The following IQCE variants were observed in gnomAD, a reference collection of about 807,000 sequenced individuals.
IQCE encodes IQ domain-containing protein E.
In IQCE, 115 loss-of-function variants were observed where a neutral mutation model predicts 96.0. The ratio of observed to expected loss-of-function variants is 1.20; its 90% CI spans 1.03 to 1.40. The LOEUF (loss-of-function observed/expected upper bound fraction) is 1.40. IQCE is among the 40% of genes most tolerant of loss of function. The probability of loss-of-function intolerance (pLI) is 0.00; values close to 1 mark genes in which losing one functional copy is unlikely to be tolerated. For synonymous variants in IQCE, 412 were observed against 371.2 expected (o/e 1.11, Z -1.26); for missense variants, 1,041 against 909.1 (o/e 1.15, Z -1.87).
intron 16 of IQCE, chr7:2,598,094 A>T (rs1784181260): frequency 5.4e-6 from 1 of 186,072 alleles, no homozygotes; most frequent in African/African-American, 2.3e-5. Flanking sequence ...AAACTAGAAA[A>T]CAGAAAAGGA....
At chr7:2,587,800 G>T in intron 12 of IQCE, 22 bp from the exon 13 acceptor site, 1 of 1,613,536 alleles carries the variant, frequency 6.2e-7, no homozygotes, top group South Asian at 1.1e-5. Context: ...ATGCCGTTTT[G>T]AAACCGCATT....
In IQCE at chr7:2,587,811, G is replaced by T. The variant is rs1435415693; in HGVS notation, c.989-11G>T. On this transcript the variant is annotated splice_polypyrimidine_tract_variant and intron_variant, in intron 12 of 21. Transcript: ENST00000402050. ...CAGGATGCCGTTTTGAAACCGCATT[G>T]CTTCCATCAGGTTATGTGGAGTGGA... 2 of 1,613,956 alleles carry T rather than the reference G, an allele frequency of 1.2e-6. No individual in the cohort carries two copies. The highest frequency in any genetic ancestry group is 3.3e-5 in the Admixed American group (2 of 60,020).
At chr7:2,591,508 G>A (rs1327197327) in intron 14 of IQCE, among the ~76,000 whole-genome samples, 2 of 152,046 alleles carry the variant, frequency 1.3e-5, no homozygotes, top group Non-Finnish European at 2.9e-5. Flanking sequence ...AGAGTGGCCT[G>A]TGAGGCCAGC....
intron 6 of IQCE, among the ~76,000 whole-genome samples, chr7:2,578,018 G>A (rs1385410764): frequency 1.4e-5 from 2 of 145,148 alleles, no homozygotes; most frequent in Non-Finnish European, 3.0e-5. Flanking sequence ...TTGGCTGTGC[G>A]CGCGGGGACG....
chr7:2,564,393 G>T (rs1162085626), intron 1 of IQCE, among the ~76,000 whole-genome samples: 2 of 150,884 alleles, frequency 1.3e-5, no homozygotes, highest in Non-Finnish European at 3.0e-5. Context: ...TCAGGAGTTT[G>T]AGACCAGCCT....
chr7:2,563,411 G>GTGTGTGTGTGTGTGTGTGTGTA (rs773616723), intron 1 of IQCE, among the ~76,000 whole-genome samples: 23 of 148,594 alleles, frequency 1.5e-4, no homozygotes, highest in African/African-American at 5.5e-4. Context: ...GTGTGTGTGT[G>GTGTGTGTGTGTGTGTGTGTGTA]TACAGGGTTT....
chr7:2,580,825 C>T (rs564319141), intron 8 of IQCE, among the ~76,000 whole-genome samples: 35 of 152,342 alleles, frequency 2.3e-4, no homozygotes, highest in African/African-American at 8.4e-4. Context: ...CGGCCATGCA[C>T]AGAACCAGGT....
At chr7:2,584,075 G>C (rs1423837108) in intron 10 of IQCE, among the ~76,000 whole-genome samples, 161 bp from the exon 11 acceptor site, 1 of 152,074 alleles carries the variant, frequency 6.6e-6, no homozygotes, top group African/African-American at 2.4e-5. Flanking sequence ...TGTGCTCCTG[G>C]AGCCTGCTCC....
At chr7:2,600,071 G>A (rs1459444413) in intron 17 of IQCE, among the ~76,000 whole-genome samples, 1 of 152,158 alleles carries the variant, frequency 6.6e-6, no homozygotes, top group Non-Finnish European at 1.5e-5. Flanking sequence ...TGGGATTATA[G>A]GCGTGAGCCA....
chr7:2,582,217 G>T, intron 8 of IQCE: 1 of 388,864 alleles, frequency 2.6e-6, no homozygotes, highest in South Asian at 2.2e-5. Context: ...CTTCAGGTCT[G>T]TGGTTTATCC....
chr7:2,572,788 C>G (rs1265586240), intron 5 of IQCE: 2 of 453,602 alleles, frequency 4.4e-6, no homozygotes, highest in Admixed American at 2.4e-5. Flanking sequence ...AAGTGATCCT[C>G]TCACCTTGGC....
At chr7:2,581,081 G>T (rs1314554404) in intron 8 of IQCE, among the ~76,000 whole-genome samples, 3 of 152,122 alleles carry the variant, frequency 2.0e-5, no homozygotes, top group Non-Finnish European at 4.4e-5. Context: ...CTGACCTTGT[G>T]ATCTGCCCAC....
intron 21 of IQCE, chr7:2,607,522 CTGTT>C (rs1395174253): frequency 5.0e-5 from 65 of 1,292,246 alleles, no homozygotes; most frequent in African/African-American, 3.7e-4. Flanking sequence ...AGCATTTCTC[CTGTT>C]TGTTTGTTGA....
At chr7:2,572,540 A>C (rs964957747) in intron 5 of IQCE, among the ~76,000 whole-genome samples, 3 of 152,244 alleles carry the variant, frequency 2.0e-5, no homozygotes, top group Non-Finnish European at 4.4e-5. Context: ...TCGTGGGTGC[A>C]GGGATATCTC....
rs1401299770 is a variant in IQCE at position 2,578,281 on chromosome 7, A to G, written c.505A>G (p.Thr169Ala). 3.7e-6 allele frequency: 6 copies of G among 1,613,750 alleles called. No individual in the cohort carries two copies. Among genetic ancestry groups the G allele is most frequent in the Non-Finnish European group, 5.1e-6 (6 of 1,179,912 alleles). ...VQKSDVDLMR[T>A]KLRRLEEENS... ...GAAGAGCGACGTGGACCTGATGAGA[A>G]CGAAGCTCCGGCGCCTGGAGGAGGA... Residue 169 changes from threonine to alanine, a missense_variant, in exon 7 of 22, where the codon ACG (threonine) becomes GCG (alanine). By Grantham distance (58) the Thr-to-Ala change is moderately conservative (BLOSUM62 0). Transcript: ENST00000402050.
chr7:2,609,040 T>C (rs1489263624), intron 21 of IQCE, among the ~76,000 whole-genome samples: 1 of 152,238 alleles, frequency 6.6e-6, no homozygotes, highest in Non-Finnish European at 1.5e-5. Context: ...ACTTTCGTCT[T>C]TCAAGGCAGC....
intron 6 of IQCE, 52 bp from the exon 7 acceptor site, chr7:2,578,190 G>A: frequency 2.2e-6 from 3 of 1,384,980 alleles, no homozygotes; most frequent in South Asian, 2.3e-5. Context: ...CGTGTGTGCG[G>A]CGTGTGCGCA....
chr7:2,589,971 C>T lies in IQCE; in HGVS notation c.1109C>T (p.Ala370Val). 6.2e-7 allele frequency: 1 copy of T among 1,614,004 alleles called. No homozygotes were observed. Among genetic ancestry groups the T allele is most frequent in the African/African-American group, 1.3e-5 (1 of 75,066 alleles). ...GAGCCAGTCAGATCACACCCGCCAG[C>T]CTGCCTTGCATCCAGCTCTGCGCTG... is the stretch of plus-strand genomic sequence containing the variant. ...AAEPVRSHPP[A>V]CLASSSALHR... Residue 370 changes from alanine to valine, a missense_variant, in exon 14 of 22, where the codon GCC (alanine) becomes GTC (valine). Physicochemically the swap from Ala to Val is moderately conservative, Grantham distance 64. Coordinates refer to ENST00000402050, the MANE Select transcript of IQCE (RefSeq NM_152558.5).
At chr7:2,597,792 G>A (rs1465213790) in intron 16 of IQCE, among the ~76,000 whole-genome samples, 2 of 151,996 alleles carry the variant, frequency 1.3e-5, no homozygotes, top group African/African-American at 4.8e-5. Context: ...TCAGCCTCCC[G>A]AGTAGCTGAG....
Sources: allele counts gnomAD v4.1 joint callset (sites outside exome capture counted in the v4.1 genomes callset), GRCh38; gene constraint gnomAD v4.1.1; transcripts MANE v1.5; gene names NCBI Gene and HGNC (gene_info 2026-07-23, HGNC 2026-07-21).